The following VPS13A variants were observed in gnomAD, a reference collection of about 807,000 sequenced individuals.
The protein encoded by VPS13A is intermembrane lipid transfer protein VPS13A.
VPS13A carries 264 observed loss-of-function variants against 390.9 expected under a neutral mutation model. That is an observed-to-expected ratio of 0.68 (90% CI 0.61 to 0.75). The LOEUF is 0.75. VPS13A is among the 30% of genes least tolerant of loss of function. The pLI is 0.00. For missense variants in VPS13A, 3,409 were observed against 3,733.9 expected (o/e 0.91, Z 2.27); for synonymous variants, 1,231 against 1,227.1 (o/e 1.00, Z -0.07).
chr9:77,271,826 T>G (rs1564683098), intron 23 of VPS13A, among the ~76,000 whole-genome samples: 1 of 152,150 alleles, frequency 6.6e-6, no homozygotes, highest in Non-Finnish European at 1.5e-5. Context: ...CTAATAAATG[T>G]AAGATACAAA....
Position 77,207,239 on chromosome 9 carries a change from A to ATG in VPS13A, c.385+1161_385+1162insGT, listed in dbSNP as rs1564630348. 1.5e-3 allele frequency among the ~76,000 whole-genome samples: 173 copies of ATG among 113,564 alleles called. 2 individuals are homozygous for ATG. Among genetic ancestry groups the ATG allele is most frequent in the South Asian group, 8.0e-3 (29 of 3,634 alleles). The allele number at this position is 113,564 out of a possible 152,430, so 74.5% of individuals were successfully genotyped here. A position where few individuals can be genotyped will look rare whatever the true frequency, so the allele number is the denominator to read the frequency against. On this transcript the variant is annotated intron_variant, in intron 5 of 71. Transcript: ENST00000360280. ...TATATATATATATATATATATATAT[A>ATG]TATATATATATATAAAACGTGTTAT...
chr9:77,345,202 T>A (rs1183696553), intron 52 of VPS13A, 60 bp downstream of exon 52: 5 of 1,531,682 alleles, frequency 3.3e-6, no homozygotes, highest in Non-Finnish European at 4.5e-6. Context: ...TGAGGCACAG[T>A]TTTTTTTGAT....
intron 45 of VPS13A, among the ~76,000 whole-genome samples, chr9:77,327,161 C>A (rs1027955503): frequency 2.5e-4 from 38 of 152,086 alleles, no homozygotes; most frequent in Non-Finnish European, 5.1e-4. Flanking sequence ...TGCCCCGTAT[C>A]GGAAACTGTG....
At chr9:77,213,497 CTTTT>C (rs527345941) in intron 9 of VPS13A, among the ~76,000 whole-genome samples, 183 bp downstream of exon 9, 4 of 140,092 alleles carry the variant, frequency 2.9e-5, no homozygotes, top group Non-Finnish European at 1.6e-5. Flanking sequence ...ACCCCCATAT[CTTTT>C]TTTTTTTTTT....
chr9:77,408,626 G>A (rs4745630), intron 71 of VPS13A, among the ~76,000 whole-genome samples: 38,416 of 152,136 alleles, frequency 0.25, 5,131 homozygotes, highest in Admixed American at 0.29. Context: ...CTTAGCAACC[G>A]GCACACCAGG....
intron 50 of VPS13A, among the ~76,000 whole-genome samples, chr9:77,342,563 C>A (rs915855543): frequency 1.3e-5 from 2 of 151,974 alleles, no homozygotes; most frequent in Non-Finnish European, 2.9e-5. Context: ...TCTGATGGTC[C>A]AATATGTACA....
At chr9:77,321,947 C>G (rs376196209) in intron 44 of VPS13A, among the ~76,000 whole-genome samples, 1 of 151,560 alleles carries the variant, frequency 6.6e-6, no homozygotes, top group African/African-American at 2.4e-5. Flanking sequence ...ACTTTGTATT[C>G]CAAACTCTTT....
Position 77,337,339 on chromosome 9 carries a change from T to G in VPS13A, c.6180T>G (p.Gly2060=), listed in dbSNP as rs928248189. 1 of 1,612,038 alleles carries G rather than the reference T, an allele frequency of 6.2e-7. No individual in the cohort carries two copies. The highest frequency in any genetic ancestry group is 1.1e-5 in the South Asian group (1 of 90,990). The change falls in exon 47 of 72, where the codon GGT becomes GGG. Residue 2060 remains glycine (G), a synonymous_variant. Coordinates refer to ENST00000360280, the MANE Select transcript of VPS13A (RefSeq NM_033305.3). The stretch of plus-strand genomic sequence containing the variant: ...TTGAAGAGATTATAAAAAATGATGG[T>G]GCTCTTCTAAAGAAGAAATGTAGAT... ...IDFEEIIKND[G]ALLKKKCRSK...
chr9:77,229,452 C>T (rs1445617579), intron 17 of VPS13A, among the ~76,000 whole-genome samples: 3 of 152,156 alleles, frequency 2.0e-5, no homozygotes, highest in African/African-American at 7.2e-5. Flanking sequence ...TTACCCAGCC[C>T]CTGGCAACAA....
intron 17 of VPS13A, among the ~76,000 whole-genome samples, chr9:77,236,299 T>C (rs949365658): frequency 6.6e-6 from 1 of 152,230 alleles, no homozygotes; most frequent in African/African-American, 2.4e-5. Flanking sequence ...AAATGTTATT[T>C]TCCTGGTTTT....
chr9:77,226,525 A>T lies in VPS13A; in HGVS notation c.1284A>T (p.Lys428Asn). 2 of 1,613,140 alleles carry T rather than the reference A, an allele frequency of 1.2e-6. No individual in the cohort carries two copies. Among genetic ancestry groups the T allele is most frequent in the Non-Finnish European group, 1.7e-6 (2 of 1,179,384 alleles). Residue 428 changes from lysine to asparagine, a missense_variant, in exon 15 of 72, where the codon AAA becomes AAT. Around this residue, in one of 5 missense-constraint regions of VPS13A, gnomAD observed 2,717 missense variants for 2,917.4 expected, o/e 0.93. Transcript: ENST00000360280. ...KEGVKDPEDN[K>N]GWFSWLWSWS... ...GAGTAAAAGATCCAGAGGATAATAAAGGGTGGTTTAGCTGGCTATGGTCTT... is the reference window on the plus strand; with the variant it reads ...GAGTAAAAGATCCAGAGGATAATAATGGGTGGTTTAGCTGGCTATGGTCTT...
intron 22 of VPS13A, among the ~76,000 whole-genome samples, chr9:77,257,427 G>A (rs1825511832): frequency 1.3e-5 from 2 of 151,900 alleles, no homozygotes; most frequent in Non-Finnish European, 2.9e-5. Context: ...GTAGAGATGG[G>A]TCTTGCTATG....
intron 16 of VPS13A, 98 bp downstream of exon 16, chr9:77,227,583 T>C (rs1823587172): frequency 1.1e-6 from 1 of 921,850 alleles, no homozygotes. Flanking sequence ...ACTGCAGTGG[T>C]GTGATCTCTG....
intron 15 of VPS13A, 57 bp downstream of exon 15, chr9:77,226,655 G>T (rs1443538400): frequency 3.2e-6 from 5 of 1,569,610 alleles, no homozygotes; most frequent in Non-Finnish European, 4.3e-6. Flanking sequence ...ATAAAGTTTT[G>T]CCATTTTTTG....
chr9:77,350,653 C>A (rs773717050), intron 52 of VPS13A, among the ~76,000 whole-genome samples: 6 of 152,006 alleles, frequency 3.9e-5, no homozygotes, highest in Non-Finnish European at 7.4e-5. Context: ...TATTTTCTTG[C>A]GAGTGACTAT....
Position 77,228,146 on chromosome 9 carries a change from C to T in VPS13A, c.1477C>T (p.His493Tyr). ...GTTTGAAGCCTTGAAGTTTTTTGTCCACTTGAAAAGTATGTCTATTGTTCT... is the reference window on the plus strand; with the variant it reads ...GTTTGAAGCCTTGAAGTTTTTTGTCTACTTGAAAAGTATGTCTATTGTTCT... The part of the protein sequence containing the change: ...KTFEALKFFV[H>Y]LKSMSIVLRE... Residue 493 changes from histidine (H) to tyrosine (Y), a missense_variant, in exon 17 of 72, where the codon CAC becomes TAC. His to Tyr is a moderately conservative substitution (Grantham distance 83). Transcript: ENST00000360280. The T allele has an allele frequency of 1.9e-6, 3 of 1,598,990 alleles. No homozygotes were observed. Among genetic ancestry groups the T allele is most frequent in the South Asian group, 1.1e-5 (1 of 88,820 alleles).
chr9:77,218,374 A>G (rs1251597443), intron 10 of VPS13A, among the ~76,000 whole-genome samples: 2 of 151,802 alleles, frequency 1.3e-5, no homozygotes, highest in South Asian at 2.1e-4. Context: ...CGGCCTCCCA[A>G]AGTGCTGGGA....
intron 71 of VPS13A, 183 bp downstream of exon 71, chr9:77,407,790 A>G (rs1307799459): frequency 1.3e-5 from 7 of 547,238 alleles, no homozygotes; most frequent in Admixed American, 3.2e-5. Context: ...TTTTTTTTCT[A>G]CCAGATTCAA....
At chr9:77,282,064 GA>G in intron 28 of VPS13A, 56 bp from the exon 29 acceptor site, 1 of 1,567,710 alleles carries the variant, frequency 6.4e-7, no homozygotes, top group South Asian at 1.1e-5. Context: ...GTGCCTTGTA[GA>G]GAGCTGGCAA....
Sources: gnomAD v4.1 joint callset for allele counts (sites outside exome capture counted in the v4.1 genomes callset) on GRCh38, gnomAD v4.1.1 for gene constraint, gnomAD v4.1.1 regional missense constraint, MANE v1.5 for transcripts, NCBI Gene and HGNC (gene_info 2026-07-23, HGNC 2026-07-21) for gene names.